The following CTNNA2 variants were observed in gnomAD, a reference collection of about 807,000 sequenced individuals.
CTNNA2 encodes catenin alpha 2, also known as catenin alpha-2.
In CTNNA2, 42 loss-of-function variants were observed where a neutral mutation model predicts 101.0. The ratio of observed to expected loss-of-function variants is 0.42; its 90% CI spans 0.32 to 0.54. The LOEUF (loss-of-function observed/expected upper bound fraction) is 0.54, where lower values mean the gene tolerates loss of function less well. Among genes scored for constraint, CTNNA2 ranks in the 20% least tolerant of loss-of-function variants. The pLI, the probability that CTNNA2 is intolerant of heterozygous loss-of-function variation, is 0.14. For missense variants in CTNNA2, 871 were observed against 1,223.1 expected (o/e 0.71, Z 4.29); for synonymous variants, 450 against 456.4 (o/e 0.99, Z 0.18).
At chr2:79,469,885 T>C (rs1348561426) in intron 4 of CTNNA2, among the ~76,000 whole-genome samples, 2 of 152,170 alleles carry the variant, frequency 1.3e-5, no homozygotes, top group African/African-American at 4.8e-5. Flanking sequence ...TATCTCAAAA[T>C]GAAAAGAGCT....
At chr2:79,593,719 C>A (rs1336455251) in intron 1 of CTNNA2, among the ~76,000 whole-genome samples, 1 of 152,014 alleles carries the variant, frequency 6.6e-6, no homozygotes, top group Non-Finnish European at 1.5e-5. Context: ...CTCACCTTTA[C>A]AGCAAAATTC....
intron 7 of CTNNA2, among the ~76,000 whole-genome samples, chr2:80,377,581 A>G (rs776792859): frequency 3.9e-5 from 6 of 152,242 alleles, no homozygotes; most frequent in Admixed American, 6.5e-5. Context: ...GTGGGAGAGC[A>G]TGAAGGTTGA....
At chr2:79,194,429 C>G (rs1673932219) in intron 1 of CTNNA2, among the ~76,000 whole-genome samples, 1 of 152,182 alleles carries the variant, frequency 6.6e-6, no homozygotes, top group South Asian at 2.1e-4. Context: ...ATGGGTTTTG[C>G]TGGTTCCTGA....
chr2:79,766,386 T>C (rs1673157014), intron 3 of CTNNA2, among the ~76,000 whole-genome samples: 1 of 152,198 alleles, frequency 6.6e-6, no homozygotes, highest in Non-Finnish European at 1.5e-5. Flanking sequence ...CACTGAAAAG[T>C]CTGCTGCCAG....
rs1004241369 is a variant in CTNNA2, at chr2:79,920,255, CTT to C, written c.1056+10460_1056+10461del. Among the ~76,000 whole-genome samples, 140 of 152,224 alleles carry C rather than the reference CTT, an allele frequency of 9.2e-4. 1 individual carries two copies. Among genetic ancestry groups the C allele is most frequent in the African/African-American group, 3.2e-3 (135 of 41,554 alleles). ...ACAAAAACAAGTGTTCTTTCATAAACTTTGCATAGATGGCTGCTTCTCCTCCC... is the reference window on the plus strand; with the variant it reads ...ACAAAAACAAGTGTTCTTTCATAAACTGCATAGATGGCTGCTTCTCCTCCC... On this transcript the variant is annotated intron_variant, in intron 7 of 18. Coordinates refer to ENST00000402739, the MANE Select transcript of CTNNA2 (RefSeq NM_001282597.3).
intron 7 of CTNNA2, among the ~76,000 whole-genome samples, chr2:80,214,965 C>T (rs1708162621): frequency 6.6e-6 from 1 of 152,112 alleles, no homozygotes; most frequent in Non-Finnish European, 1.5e-5. Flanking sequence ...TTCTTTTACT[C>T]TTTTTTCTCT....
upstream of CTNNA2, among the ~76,000 whole-genome samples, chr2:79,508,562 CAG>C (rs963135420): frequency 7.9e-5 from 12 of 152,006 alleles, no homozygotes; most frequent in Non-Finnish European, 2.9e-5. Context: ...ATGATAGAAA[CAG>C]ATTCAAATTG....
At chr2:80,189,880 C>G (rs1279310666) in intron 7 of CTNNA2, among the ~76,000 whole-genome samples, 1 of 151,944 alleles carries the variant, frequency 6.6e-6, no homozygotes, top group Non-Finnish European at 1.5e-5. Flanking sequence ...AAGGATAAAT[C>G]AGAGAGTTTT....
intron 2 of CTNNA2, among the ~76,000 whole-genome samples, chr2:79,710,403 C>G (rs1000193792): frequency 1.3e-5 from 2 of 152,038 alleles, no homozygotes; most frequent in African/African-American, 2.4e-5. Flanking sequence ...GTGCTTACAC[C>G]TATTTTGAAC....
At chr2:80,163,135 T>C in intron 7 of CTNNA2, 1 of 1,569,828 alleles carries the variant, frequency 6.4e-7, no homozygotes, top group Non-Finnish European at 8.8e-7. Flanking sequence ...ATTTCACCTT[T>C]ATTACTGGCC....
At chr2:79,191,482 A>G (rs1003021752) in intron 1 of CTNNA2, among the ~76,000 whole-genome samples, 2 of 152,110 alleles carry the variant, frequency 1.3e-5, no homozygotes, top group African/African-American at 4.8e-5. Flanking sequence ...TAAGATACCC[A>G]CCCTAACCTT....
intron 3 of CTNNA2, among the ~76,000 whole-genome samples, chr2:79,811,463 A>G (rs1449699957): frequency 6.6e-6 from 1 of 152,076 alleles, no homozygotes; most frequent in Non-Finnish European, 1.5e-5. Flanking sequence ...ATTTTCTCCC[A>G]TTCTGTAGGT....
chr2:79,720,072 TG>T (rs993186799), intron 2 of CTNNA2, among the ~76,000 whole-genome samples: 5 of 152,156 alleles, frequency 3.3e-5, no homozygotes, highest in African/African-American at 1.2e-4. Context: ...TTTTTGTATG[TG>T]GTGAAAGGTG....
In CTNNA2 at chr2:79,974,600, T is replaced by C. The variant is rs115234757; in HGVS notation, c.1056+64803T>C. The stretch of plus-strand genomic sequence containing the variant: ...AAGGATTTAAAGTTGGAGGAAGTTA[T>C]GATATTTTTTCTAATATTATTTGAT... On this transcript the variant is annotated intron_variant, in intron 7 of 18. Coordinates refer to ENST00000402739, the MANE Select transcript of CTNNA2 (RefSeq NM_001282597.3). 4.2e-3 allele frequency among the ~76,000 whole-genome samples: 641 copies of C among 152,290 alleles called. 6 individuals carry two copies. The highest frequency in any genetic ancestry group is 0.015 in the African/African-American group (610 of 41,564).
chr2:80,435,003 A>C (rs559061773), intron 9 of CTNNA2, among the ~76,000 whole-genome samples: 2 of 152,194 alleles, frequency 1.3e-5, no homozygotes, highest in South Asian at 4.2e-4. Flanking sequence ...CAACCTCCTC[A>C]CTACTGACAT....
At chr2:79,490,808 G>GA (rs1294195595) in intron 4 of CTNNA2, among the ~76,000 whole-genome samples, 2 of 152,142 alleles carry the variant, frequency 1.3e-5, no homozygotes, top group African/African-American at 2.4e-5. Flanking sequence ...TCCCTTAGAG[G>GA]AGACAAGGAT....
intron 2 of CTNNA2, among the ~76,000 whole-genome samples, chr2:79,213,192 G>A (rs911283155): frequency 3.3e-5 from 5 of 152,178 alleles, no homozygotes; most frequent in Non-Finnish European, 5.9e-5. Context: ...AATGCTAGCT[G>A]CTTTTTTAGC....
intron 9 of CTNNA2, among the ~76,000 whole-genome samples, chr2:80,444,665 G>A (rs1682916706): frequency 6.6e-6 from 1 of 152,028 alleles, no homozygotes; most frequent in Admixed American, 6.6e-5. Context: ...CATGAGGGTG[G>A]GGCACCTATG....
intron 7 of CTNNA2, among the ~76,000 whole-genome samples, chr2:80,216,601 G>A (rs1455997830): frequency 1.3e-5 from 2 of 152,080 alleles, no homozygotes; most frequent in African/African-American, 2.4e-5. Context: ...ACCATGTGAG[G>A]ATACTAGGAG....
Sources: gnomAD v4.1 joint callset for allele counts (sites outside exome capture counted in the v4.1 genomes callset) on GRCh38, gnomAD v4.1.1 for gene constraint, MANE v1.5 for transcripts, NCBI Gene and HGNC (gene_info 2026-07-23, HGNC 2026-07-21) for gene names.